The following RAB3B variants were observed in gnomAD, a reference collection of about 807,000 sequenced individuals.
RAB3B encodes ras-related protein Rab-3B.
RAB3B carries 11 observed loss-of-function variants against 20.5 expected under a neutral mutation model. The observed-to-expected ratio is 0.54, with a 90% CI of 0.34 to 0.89. RAB3B has a LOEUF of 0.89. RAB3B is among the 40% of genes least tolerant of loss of function. The pLI, the probability that RAB3B is intolerant of heterozygous loss-of-function variation, is 0.02. For missense variants in RAB3B, 225 were observed against 280.9 expected (o/e 0.80, Z 1.42); for synonymous variants, 99 against 106.3 (o/e 0.93, Z 0.42).
chr1:51,966,294 T>C (rs1043932508), intron 2 of RAB3B, among the ~76,000 whole-genome samples: 1 of 152,214 alleles, frequency 6.6e-6, no homozygotes, highest in Non-Finnish European at 1.5e-5. Context: ...CAGGTGGAGG[T>C]AGCTGTTCTT....
Position 51,912,939 on chromosome 1 carries a change from G to C in RAB3B, c.*6988C>G, listed in dbSNP as rs1264301645. On this transcript the variant is annotated 3_prime_UTR_variant, in exon 5 of 5. Transcript: ENST00000371655. ...TAAGTTTGAGACATGAAAATGTCCA[G>C]TAGGCACTTAGATACACGTTATTAT... The C allele has an allele frequency of 6.6e-6, 1 of 152,038 alleles. No homozygotes were observed. The highest frequency in any genetic ancestry group is 1.5e-5 in the Non-Finnish European group (1 of 68,042). 9.4% of individuals were successfully genotyped at this position (152,038 alleles called of 1,614,324 possible). A position where few individuals can be genotyped will look rare whatever the true frequency, so the allele number is the denominator to read the frequency against.
chr1:51,920,795 T>C (rs1278448620), intron 4 of RAB3B, among the ~76,000 whole-genome samples: 1 of 152,116 alleles, frequency 6.6e-6, no homozygotes, highest in Non-Finnish European at 1.5e-5. Flanking sequence ...TAGTCTGGGC[T>C]CTAGGAGGCA....
chr1:51,929,894 G>A (rs1684299169), intron 4 of RAB3B, among the ~76,000 whole-genome samples: 2 of 152,170 alleles, frequency 1.3e-5, no homozygotes, highest in African/African-American at 4.8e-5. Context: ...ACTTGGCTCA[G>A]CGTGCTCAAT....
intron 4 of RAB3B, among the ~76,000 whole-genome samples, chr1:51,929,569 G>C (rs1684295293): frequency 6.6e-6 from 1 of 152,258 alleles, no homozygotes; most frequent in Non-Finnish European, 1.5e-5. Context: ...ACCCACCTCA[G>C]CCTCCCAAAG....
rs969774746 is a variant in RAB3B at position 51,911,346 on chromosome 1, A to G, written c.*8581T>C. On this transcript the variant is annotated 3_prime_UTR_variant, in exon 5 of 5. Coordinates refer to ENST00000371655, the MANE Select transcript of RAB3B (RefSeq NM_002867.4). ...TTATACATTCTGGATCAGAAAGTCT[A>G]TATCAGTGGGATTTTCTGAATGACC... is the stretch of plus-strand genomic sequence containing the variant. 3 of 152,190 alleles carry G rather than the reference A, an allele frequency of 2.0e-5. No homozygotes were observed. The highest frequency in any genetic ancestry group is 6.5e-5 in the Admixed American group (1 of 15,276). 9.4% of individuals were successfully genotyped at this position (152,190 alleles called of 1,614,324 possible). A position where few individuals can be genotyped will look rare whatever the true frequency, so the allele number is the denominator to read the frequency against.
intron 4 of RAB3B, among the ~76,000 whole-genome samples, chr1:51,932,013 G>A (rs1439298705): frequency 6.6e-6 from 1 of 152,102 alleles, no homozygotes; most frequent in Non-Finnish European, 1.5e-5. Context: ...TCTGGACTCT[G>A]AGAACCTCTG....
At chr1:51,921,765 GAC>G (rs1684175355) in intron 4 of RAB3B, among the ~76,000 whole-genome samples, 1 of 152,178 alleles carries the variant, frequency 6.6e-6, no homozygotes, top group Non-Finnish European at 1.5e-5. Flanking sequence ...CTGTTATAAA[GAC>G]AGTTTCCTTC....
At position 51,954,515 on chromosome 1, in the gene RAB3B, C is replaced by T. The variant is rs76572072; in HGVS notation, c.229-17103G>A. Among the ~76,000 whole-genome samples, 1,100 of 152,258 alleles carry T rather than the reference C, an allele frequency of 7.2e-3. 13 individuals carry two copies. Among genetic ancestry groups the T allele is most frequent in the African/African-American group, 0.026 (1,064 of 41,550 alleles). On this transcript the variant is annotated intron_variant, in intron 2 of 4. Coordinates refer to ENST00000371655, the MANE Select transcript of RAB3B (RefSeq NM_002867.4). ...AATCCTTAGTAAGCACTGGCAGTTGCTATTCTTATTATTATTACCAGTCCA... is the reference window on the plus strand; with the variant it reads ...AATCCTTAGTAAGCACTGGCAGTTGTTATTCTTATTATTATTACCAGTCCA...
intron 2 of RAB3B, among the ~76,000 whole-genome samples, chr1:51,952,666 T>C (rs1394289362): frequency 6.7e-6 from 1 of 149,098 alleles, no homozygotes; most frequent in Admixed American, 6.6e-5. Flanking sequence ...AAGGAATGAA[T>C]AAATGAATAA....
intron 4 of RAB3B, among the ~76,000 whole-genome samples, chr1:51,920,485 CAG>C (rs2124230186): frequency 6.6e-6 from 1 of 152,342 alleles, no homozygotes; most frequent in South Asian, 2.1e-4. Flanking sequence ...GTGCCTGACA[CAG>C]AGGGGGTCAT....
intron 4 of RAB3B, among the ~76,000 whole-genome samples, chr1:51,921,284 A>G (rs1684168631): frequency 6.6e-6 from 1 of 152,144 alleles, no homozygotes; most frequent in Non-Finnish European, 1.5e-5. Context: ...CAACTACTAC[A>G]TGCCAGACAC....
rs747542540 is a variant in RAB3B, at chr1:51,909,759, C to G, written c.*10168G>C. On this transcript the variant is annotated 3_prime_UTR_variant, in exon 5 of 5. Transcript: ENST00000371655. ...CTGATCCACTTAGTAAGTTCAAGCT[C>G]CATCTCCTACTTACACAATGCCCCT... 4 of 152,284 alleles carry G rather than the reference C, an allele frequency of 2.6e-5. No homozygotes were observed. Among genetic ancestry groups the G allele is most frequent in the Non-Finnish European group, 5.9e-5 (4 of 68,128 alleles). 9.4% of individuals were successfully genotyped at this position (152,284 alleles called of 1,614,324 possible). A position where few individuals can be genotyped will look rare whatever the true frequency, so the allele number is the denominator to read the frequency against.
rs1406093433 is a variant in RAB3B at position 51,919,741 on chromosome 1, GTATC to G, written c.*182_*185del. The G allele has an allele frequency of 3.6e-6, 2 of 550,784 alleles. No homozygotes were observed. Among genetic ancestry groups the G allele is most frequent in the Non-Finnish European group, 6.4e-6 (2 of 311,734 alleles). 34.1% of individuals were successfully genotyped at this position (550,784 alleles called of 1,614,324 possible). Reference sequence around the variant, plus strand: ...ACCTGTTATGTTAGTCTAGTGCTGAGTATCTATTACTGGGACCATCTGCAGAGAA... The same window carrying G: ...ACCTGTTATGTTAGTCTAGTGCTGAGTATTACTGGGACCATCTGCAGAGAA... On this transcript the variant is annotated 3_prime_UTR_variant, in exon 5 of 5. Coordinates refer to ENST00000371655, the MANE Select transcript of RAB3B (RefSeq NM_002867.4).
intron 1 of RAB3B, among the ~76,000 whole-genome samples, chr1:51,985,309 A>AG (rs1685138084): frequency 6.6e-6 from 1 of 152,282 alleles, no homozygotes; most frequent in East Asian, 1.9e-4. Context: ...TCTGGATTCA[A>AG]GGGGGCTTTA....
intron 4 of RAB3B, among the ~76,000 whole-genome samples, chr1:51,924,402 G>T (rs2124236323): frequency 6.6e-6 from 1 of 152,340 alleles, no homozygotes; most frequent in Non-Finnish European, 1.5e-5. Context: ...TGATGCTTAA[G>T]CAGATATCAG....
At chr1:51,966,240 C>T (rs757425774) in intron 2 of RAB3B, among the ~76,000 whole-genome samples, 28 of 152,222 alleles carry the variant, frequency 1.8e-4, no homozygotes, top group Non-Finnish European at 2.8e-4. Context: ...TGTCAAGACC[C>T]TGCTCAAATG....
intron 1 of RAB3B, among the ~76,000 whole-genome samples, chr1:51,989,042 G>A (rs984832405): frequency 6.7e-6 from 1 of 148,436 alleles, no homozygotes; most frequent in Non-Finnish European, 1.5e-5. Flanking sequence ...GGCCTTTCAC[G>A]GCTTCCATTG....
In RAB3B at chr1:51,957,654, C is replaced by A. The variant is rs563807127; in HGVS notation, c.228+19236G>T. ...GTTGGTAAAGTTCTGTATAAACAGTCGTGTTCATTTAATTTACTGTTTGCC... is the reference window on the plus strand; with the variant it reads ...GTTGGTAAAGTTCTGTATAAACAGTAGTGTTCATTTAATTTACTGTTTGCC... On this transcript the variant is annotated intron_variant, in intron 2 of 4. Coordinates refer to ENST00000371655, the MANE Select transcript of RAB3B (RefSeq NM_002867.4). 2.0e-5 allele frequency among the ~76,000 whole-genome samples: 3 copies of A among 152,118 alleles called. No individual in the cohort carries two copies. The East Asian group carries it at 5.8e-4, about 29-fold the overall frequency.
In RAB3B at chr1:51,959,511, C is replaced by CA. The variant is rs35927367; in HGVS notation, c.228+17378dup. Among the ~76,000 whole-genome samples, 805 of 151,892 alleles carry CA rather than the reference C, an allele frequency of 5.3e-3. 11 individuals carry two copies. The South Asian group carries it at 0.06, about 11-fold the overall frequency. On this transcript the variant is annotated intron_variant, in intron 2 of 4. Coordinates refer to ENST00000371655, the MANE Select transcript of RAB3B (RefSeq NM_002867.4). ...TGGCTGACAAAGCAAGACCCTATTCCAAAAAAAGGAAGAGAAACAAAAAGG... is the reference window on the plus strand; with the variant it reads ...TGGCTGACAAAGCAAGACCCTATTCCAAAAAAAAGGAAGAGAAACAAAAAGG...
Sources: gnomAD v4.1 joint callset for allele counts (sites outside exome capture counted in the v4.1 genomes callset) on GRCh38, gnomAD v4.1.1 for gene constraint, MANE v1.5 for transcripts, NCBI Gene and HGNC (gene_info 2026-07-23, HGNC 2026-07-21) for gene names.